Variants in AJAP1 observed in about 807,000 individuals in gnomAD.
AJAP1 encodes the protein adherens junctions associated protein 1.
In AJAP1, 5 loss-of-function variants were observed where a neutral mutation model predicts 35.0. That is an observed-to-expected ratio of 0.14 (90% CI 0.07 to 0.30). The LOEUF (loss-of-function observed/expected upper bound fraction) is 0.30. Among genes scored for constraint, AJAP1 ranks in the 10% least tolerant of loss-of-function variants. AJAP1 has a pLI of 1.00. For missense variants in AJAP1, 586 were observed against 571.0 expected, an observed-to-expected ratio of 1.03 and a Z score of -0.27; for synonymous variants, 284 against 249.3, an observed-to-expected ratio of 1.14 and a Z score of -1.31.
intron 5 of AJAP1, among the ~76,000 whole-genome samples, chr1:4,778,589 C>G (rs1487124242): frequency 2.7e-5 from 3 of 112,956 alleles, no homozygotes; most frequent in Admixed American, 2.4e-4. Context: ...CTCTCTCTCT[C>G]TCTCTCTCTC....
rs377231567 is a variant in AJAP1, at chr1:4,738,653, C to T, written c.829+25954C>T. Reference sequence around the variant, plus strand: ...GGGGTGTGCAGAGACTAGGAGAAGCCGCTGGAGGGTTTGAGCTGGGAAGCA... The same window carrying T: ...GGGGTGTGCAGAGACTAGGAGAAGCTGCTGGAGGGTTTGAGCTGGGAAGCA... On this transcript the variant is annotated intron_variant, in intron 2 of 5. Transcript: ENST00000378191. 3.0e-3 allele frequency among the ~76,000 whole-genome samples: 460 copies of T among 152,242 alleles called. 3 individuals carry two copies. The highest frequency in any genetic ancestry group is 0.01 in the African/African-American group (433 of 41,534).
chr1:4,783,521 GTATATATA>G lies in AJAP1; in HGVS notation c.*1052_*1059del, dbSNP rs36004956. 4.2e-5 allele frequency: 5 copies of G among 120,420 alleles called. No individual in the cohort carries two copies. Among genetic ancestry groups the G allele is most frequent in the South Asian group, 2.8e-4 (1 of 3,568 alleles). The allele number at this position is 120,420 out of a possible 1,614,324, so 7.5% of individuals were successfully genotyped here. On this transcript the variant is annotated 3_prime_UTR_variant, in exon 6 of 6. Transcript: ENST00000378191. ...TATATATATATATATGTTTGTGTGTGTATATATATATATATATATATATGTTTGTGTGT... is the reference window on the plus strand; with the variant it reads ...TATATATATATATATGTTTGTGTGTGTATATATATATATATGTTTGTGTGT...
chr1:4,706,407 C>G (rs1640101679), intron 1 of AJAP1, among the ~76,000 whole-genome samples: 1 of 152,202 alleles, frequency 6.6e-6, no homozygotes, highest in Non-Finnish European at 1.5e-5. Flanking sequence ...GAGTGGGAAG[C>G]TACAAGCCCA....
intron 1 of AJAP1, among the ~76,000 whole-genome samples, chr1:4,667,210 T>G (rs1420013863): frequency 6.6e-6 from 1 of 152,098 alleles, no homozygotes; most frequent in Non-Finnish European, 1.5e-5. Flanking sequence ...TCAGTTGCCA[T>G]GATTCCCAGG....
chr1:4,749,582 G>A (rs1262832213), intron 2 of AJAP1, among the ~76,000 whole-genome samples: 1 of 152,226 alleles, frequency 6.6e-6, no homozygotes, highest in Non-Finnish European at 1.5e-5. Context: ...GAGGCCAGGG[G>A]GAGGCAAGAG....
chr1:4,725,312 G>A, intron 2 of AJAP1, among the ~76,000 whole-genome samples: 1 of 152,186 alleles, frequency 6.6e-6, no homozygotes, highest in South Asian at 2.1e-4. Flanking sequence ...CGTGTGTGGG[G>A]AAGGGATGTG....
chr1:4,717,366 G>A (rs1420475013), intron 2 of AJAP1, among the ~76,000 whole-genome samples: 1 of 152,164 alleles, frequency 6.6e-6, no homozygotes, highest in African/African-American at 2.4e-5. Flanking sequence ...AGGCCAATCC[G>A]CTGCTTTCCC....
intron 1 of AJAP1, among the ~76,000 whole-genome samples, chr1:4,704,444 A>G (rs1640058447): frequency 6.6e-6 from 1 of 151,824 alleles, no homozygotes; most frequent in Non-Finnish European, 1.5e-5. Context: ...ACTGAGAATG[A>G]TGATTTCCAA....
chr1:4,712,513 A>G lies in AJAP1; in HGVS notation c.643A>G (p.Thr215Ala), dbSNP rs751366046. 6.2e-7 allele frequency: 1 copy of G among 1,612,804 alleles called. No individual in the cohort carries two copies. The highest frequency in any genetic ancestry group is 1.1e-5 in the South Asian group (1 of 90,814). ...TVSILQTRKT[T>A]VAATTTTTTT... ...CTCCATCCTACAAACACGGAAGACAACTGTGGCCGCCACCACCACCACCAC... is the reference window on the plus strand; with the variant it reads ...CTCCATCCTACAAACACGGAAGACAGCTGTGGCCGCCACCACCACCACCAC... The change falls in exon 2 of 6, where the codon ACT becomes GCT. Residue 215 changes from threonine (T) to alanine (A), a missense_variant. Coordinates refer to ENST00000378191, the MANE Select transcript of AJAP1 (RefSeq NM_018836.4).
rs1639777786 is a variant in AJAP1, at chr1:4,692,962, C to T, written c.30-18938C>T. On this transcript the variant is annotated intron_variant, in intron 1 of 5. Transcript: ENST00000378191. This position sits in a 1 kb window ranked among gnomAD's most constrained non-coding sequence, Gnocchi z 4.4. ...TCATTGCAGCTGCTTTATTAGGTGG[C>T]TATCAAATAATTGTATAAAAATAAG... 6.6e-6 allele frequency among the ~76,000 whole-genome samples: 1 copy of T among 152,166 alleles called. No homozygotes were observed. Among genetic ancestry groups the T allele is most frequent in the Non-Finnish European group, 1.5e-5 (1 of 68,042 alleles).
rs1457793844 is a variant in AJAP1, at chr1:4,693,277, C to T, written c.30-18623C>T. 6.6e-6 allele frequency among the ~76,000 whole-genome samples: 1 copy of T among 150,842 alleles called. No individual in the cohort carries two copies. The highest frequency in any genetic ancestry group is 1.5e-5 in the Non-Finnish European group (1 of 67,578). Reference sequence around the variant, plus strand: ...CACTCAACTGAGGGGAGAAGCAGCCCGTGGTCAGGGGACGTCAGGGGCATG... The same window carrying T: ...CACTCAACTGAGGGGAGAAGCAGCCTGTGGTCAGGGGACGTCAGGGGCATG... On this transcript the variant is annotated intron_variant, in intron 1 of 5. Transcript: ENST00000378191. The surrounding 1 kb of genome is among the most constrained non-coding windows in gnomAD (Gnocchi z 4.4).
chr1:4,655,996 C>T lies in AJAP1; in HGVS notation c.29+542C>T, dbSNP rs1295046241. On this transcript the variant is annotated intron_variant, in intron 1 of 5. Coordinates refer to ENST00000378191, the MANE Select transcript of AJAP1 (RefSeq NM_018836.4). This position sits in a 1 kb window ranked among gnomAD's most constrained non-coding sequence, Gnocchi z 6.9. ...AGGGGCCTCCCAGGCTCCCAGCTGCCGACCCAGCTGTTTGCGGGTGACCTC... is the reference window on the plus strand; with the variant it reads ...AGGGGCCTCCCAGGCTCCCAGCTGCTGACCCAGCTGTTTGCGGGTGACCTC... 2.0e-5 allele frequency among the ~76,000 whole-genome samples: 3 copies of T among 152,086 alleles called. No individual in the cohort carries two copies. The highest frequency in any genetic ancestry group is 4.1e-4 in the South Asian group (2 of 4,828).
rs778818331 is a variant in AJAP1, at chr1:4,772,392, C to T, written c.1030C>T (p.Leu344=). ...CCCCTCGGCCCGGGTGCCCAGCAGC[C>T]TGGACATATTCACGGCCTATAACGA... The part of the protein sequence containing the change: ...DFPSARVPSS[L]DIFTAYNETL... Residue 344 remains leucine (L), a synonymous_variant, in exon 4 of 6, where the codon CTG becomes TTG. Coordinates refer to ENST00000378191, the MANE Select transcript of AJAP1 (RefSeq NM_018836.4). 8.7e-6 allele frequency: 14 copies of T among 1,614,132 alleles called. No individual in the cohort carries two copies. In the South Asian group the frequency reaches 1.4e-4, roughly 16 times the overall value.
At chr1:4,779,025 C>A (rs1642010209) in intron 5 of AJAP1, among the ~76,000 whole-genome samples, 1 of 152,176 alleles carries the variant, frequency 6.6e-6, no homozygotes, top group South Asian at 2.1e-4. Context: ...TGCACATCTG[C>A]CCAGATAAAG....
At chr1:4,689,919 A>G (rs1207507472) in intron 1 of AJAP1, among the ~76,000 whole-genome samples, 1 of 151,990 alleles carries the variant, frequency 6.6e-6, no homozygotes, top group Non-Finnish European at 1.5e-5. Context: ...TTTCCTTCCA[A>G]CGAGAAAAGG....
At position 4,791,350 on chromosome 1, in the gene AJAP1, G is replaced by A. The variant is rs149949756; in HGVS notation, c.*8865G>A. ...CATTATTTTCTCAAAAGGAACACATGTTTACTACAAACCATTTAGAAAATA... is the reference window on the plus strand; with the variant it reads ...CATTATTTTCTCAAAAGGAACACATATTTACTACAAACCATTTAGAAAATA... On this transcript the variant is annotated 3_prime_UTR_variant, in exon 6 of 6. Coordinates refer to ENST00000378191, the MANE Select transcript of AJAP1 (RefSeq NM_018836.4). 1.3e-5 allele frequency: 2 copies of A among 152,300 alleles called. No individual in the cohort carries two copies. The highest frequency in any genetic ancestry group is 2.4e-5 in the African/African-American group (1 of 41,568). 9.4% of individuals were successfully genotyped at this position (152,300 alleles called of 1,614,324 possible). A position where few individuals can be genotyped will look rare whatever the true frequency, so the allele number is the denominator to read the frequency against.
intron 1 of AJAP1, among the ~76,000 whole-genome samples, chr1:4,691,674 C>A (rs893404441): frequency 1.3e-5 from 2 of 152,056 alleles, no homozygotes; most frequent in Non-Finnish European, 2.9e-5. Context: ...CCCGCTGACT[C>A]CAGGAGTCAG....
At chr1:4,729,192 G>C (rs754119267) in intron 2 of AJAP1, among the ~76,000 whole-genome samples, 2 of 152,188 alleles carry the variant, frequency 1.3e-5, no homozygotes, top group African/African-American at 4.8e-5. Context: ...ATGAATAAGC[G>C]GGCCCAGCCT....
intron 1 of AJAP1, among the ~76,000 whole-genome samples, chr1:4,690,001 C>A (rs1042761642): frequency 3.9e-5 from 6 of 151,968 alleles, no homozygotes; most frequent in African/African-American, 1.2e-4. Context: ...CCGGTTGAGA[C>A]CCCCCCAGCC....
Sources: gnomAD v4.1 joint callset for allele counts (sites outside exome capture counted in the v4.1 genomes callset) on GRCh38, gnomAD v4.1.1 for gene constraint, Gnocchi (gnomAD v3.1) non-coding constraint, MANE v1.5 for transcripts, NCBI Gene and HGNC (gene_info 2026-07-23, HGNC 2026-07-21) for gene names.